Variants in TMEM217B observed in about 807,000 individuals in gnomAD.
The protein encoded by TMEM217B is putative transmembrane protein 217B.
chr6:37,243,982 T>A, the TMEM217B span, among the ~76,000 whole-genome samples: 1 of 152,194 alleles, frequency 6.6e-6, no homozygotes, highest in East Asian at 1.9e-4. Context: ...AAAAGGCCAA[T>A]CTTAGGTTCT....
the TMEM217B span, among the ~76,000 whole-genome samples, chr6:37,222,378 G>A: frequency 0.039 from 5,933 of 152,328 alleles, 175 homozygotes; most frequent in Non-Finnish European, 0.062. Flanking sequence ...CGGGATTGGA[G>A]AGAGGCCAGG....
At chr6:37,228,968 G>T in the TMEM217B span, among the ~76,000 whole-genome samples, 2 of 151,850 alleles carry the variant, frequency 1.3e-5, no homozygotes, top group African/African-American at 2.4e-5. Flanking sequence ...CTGCACTCCA[G>T]CCTGGGTGAC....
At chr6:37,215,628 C>CAACGTGAT in the TMEM217B span, among the ~76,000 whole-genome samples, 1 of 137,166 alleles carries the variant, frequency 7.3e-6, no homozygotes, top group African/African-American at 2.8e-5. Context: ...ACTTACAATG[C>CAACGTGAT]AACGTGATAA....
the TMEM217B span, among the ~76,000 whole-genome samples, chr6:37,255,595 G>A: frequency 3.3e-5 from 5 of 151,836 alleles, no homozygotes; most frequent in African/African-American, 1.2e-4. Context: ...GATGTGGGAG[G>A]ATTGCTTGAG....
chr6:37,241,150 G>A, the TMEM217B span, among the ~76,000 whole-genome samples: 2 of 148,098 alleles, frequency 1.4e-5, no homozygotes, highest in African/African-American at 2.5e-5. Context: ...CCAGGCTGGA[G>A]TGTAGTGGCA....
chr6:37,228,511 C>T, the TMEM217B span, among the ~76,000 whole-genome samples: 1 of 152,194 alleles, frequency 6.6e-6, no homozygotes, highest in African/African-American at 2.4e-5. Context: ...TGAGACCAGC[C>T]TGACCAATAT....
the TMEM217B span, among the ~76,000 whole-genome samples, chr6:37,247,071 T>C: frequency 6.6e-6 from 1 of 152,192 alleles, no homozygotes; most frequent in Non-Finnish European, 1.5e-5. Context: ...GGTCATGTCA[T>C]GTCCCAGCTT....
the TMEM217B span, among the ~76,000 whole-genome samples, chr6:37,214,896 C>T: frequency 4.3e-4 from 66 of 152,310 alleles, no homozygotes; most frequent in Middle Eastern, 3.4e-3. Context: ...TCTGCACCAA[C>T]GAAACCTCAC....
At chr6:37,257,157 G>C in the TMEM217B span, among the ~76,000 whole-genome samples, 1 of 152,206 alleles carries the variant, frequency 6.6e-6, no homozygotes. Context: ...TAGTCAGAAA[G>C]TGAGAGTTAT....
chr6:37,217,538 G>T, the TMEM217B span: 1 of 708,266 alleles, frequency 1.4e-6, no homozygotes, highest in Non-Finnish European at 1.7e-6. Context: ...CACAGCAACA[G>T]ATACAGAAGT....
the TMEM217B span, among the ~76,000 whole-genome samples, chr6:37,220,555 T>TG: frequency 6.6e-6 from 1 of 152,138 alleles, no homozygotes; most frequent in Non-Finnish European, 1.5e-5. Flanking sequence ...CTTTTTTTTT[T>TG]TGTAGATTTA....
At chr6:37,241,444 C>T in the TMEM217B span, among the ~76,000 whole-genome samples, 2 of 152,076 alleles carry the variant, frequency 1.3e-5, no homozygotes, top group African/African-American at 4.8e-5. Flanking sequence ...GGGACTGGAC[C>T]CTGAGCACTA....
chr6:37,226,281 CTTTTTTTTTTTTTTTTT>C, the TMEM217B span, among the ~76,000 whole-genome samples: 6 of 74,876 alleles, frequency 8.0e-5, no homozygotes, highest in Admixed American at 3.1e-4. Context: ...TTGAGACAGT[CTTTTTTTTTTTTTTTTT>C]TTTTTTTTTT....
the TMEM217B span, chr6:37,218,955 C>A: frequency 1.5e-5 from 24 of 1,614,076 alleles, no homozygotes; most frequent in Admixed American, 2.0e-4. Flanking sequence ...TACATGTCTA[C>A]GGCCATGATG....
chr6:37,247,377 C>T, the TMEM217B span, among the ~76,000 whole-genome samples: 10 of 132,680 alleles, frequency 7.5e-5, no homozygotes, highest in East Asian at 2.2e-4. Flanking sequence ...CAATAAAGGG[C>T]GAACTTTTTT....
At chr6:37,218,135 C>T in the TMEM217B span, 1 of 1,087,176 alleles carries the variant, frequency 9.2e-7, no homozygotes, top group African/African-American at 1.7e-5. Flanking sequence ...AAAGGGCCAA[C>T]ATGATTGCTT....
the TMEM217B span, among the ~76,000 whole-genome samples, chr6:37,252,694 C>T: frequency 1.4e-5 from 2 of 140,454 alleles, no homozygotes; most frequent in Non-Finnish European, 1.5e-5. Flanking sequence ...GGCTGGAGTG[C>T]AATGGCACAA....
At chr6:37,215,570 CAAAAAAAAAAAAAAAA>C in the TMEM217B span, among the ~76,000 whole-genome samples, 7 of 72,376 alleles carry the variant, frequency 9.7e-5, no homozygotes, top group Admixed American at 4.2e-4. Flanking sequence ...GACTCTGTCT[CAAAAAAAAAAAAAAAA>C]AAAAAAAAAA....
At chr6:37,234,790 A>C in the TMEM217B span, among the ~76,000 whole-genome samples, 1 of 152,182 alleles carries the variant, frequency 6.6e-6, no homozygotes, top group African/African-American at 2.4e-5. Context: ...TGAGATAAAG[A>C]GATAAATAGG....
Sources: allele counts gnomAD v4.1 joint callset (sites outside exome capture counted in the v4.1 genomes callset), GRCh38; gene constraint gnomAD v4.1.1; transcripts MANE v1.5; gene names NCBI Gene and HGNC (gene_info 2026-07-23, HGNC 2026-07-21).